The following SPATA16 variants were observed in gnomAD, a reference collection of about 807,000 sequenced individuals.
The protein encoded by SPATA16 is spermatogenesis associated 16, also known as spermatogenesis-associated protein 16.
In SPATA16, 36 loss-of-function variants were observed where a neutral mutation model predicts 63.3. The observed-to-expected ratio is 0.57, with a 90% CI of 0.44 to 0.75. The LOEUF is 0.75. Among genes scored for constraint, SPATA16 ranks in the 30% least tolerant of loss-of-function variants. SPATA16 has a pLI of 0.00. For synonymous variants in SPATA16, 203 were observed against 216.7 expected (o/e 0.94, Z 0.56); for missense variants, 646 against 679.3 (o/e 0.95, Z 0.54).
chr3:173,109,369 A>T (rs1737694038), intron 2 of SPATA16, among the ~76,000 whole-genome samples: 1 of 152,200 alleles, frequency 6.6e-6, no homozygotes, highest in Admixed American at 6.6e-5. Context: ...CATGAGTCAG[A>T]TGAGTCAGAC....
chr3:173,051,813 CTT>C (rs11367724), intron 2 of SPATA16, among the ~76,000 whole-genome samples: 1 of 148,326 alleles, frequency 6.7e-6, no homozygotes. Flanking sequence ...TTTAGGCACA[CTT>C]TTTTTTTTTC....
chr3:173,111,807 T>C (rs911653905), intron 2 of SPATA16, among the ~76,000 whole-genome samples: 1 of 152,086 alleles, frequency 6.6e-6, no homozygotes, highest in Non-Finnish European at 1.5e-5. Context: ...TGGTGTGGGT[T>C]CAATCATGTT....
intron 6 of SPATA16, among the ~76,000 whole-genome samples, chr3:172,948,185 T>G (rs902631333): frequency 6.6e-6 from 1 of 152,052 alleles, no homozygotes; most frequent in Admixed American, 6.6e-5. Context: ...AGGCATTTAA[T>G]AATCAAATTC....
chr3:173,022,379 G>A (rs933557888), intron 3 of SPATA16, among the ~76,000 whole-genome samples: 1 of 152,064 alleles, frequency 6.6e-6, no homozygotes, highest in Non-Finnish European at 1.5e-5. Flanking sequence ...TCTCTACTCT[G>A]AAAGTGTAAT....
At chr3:172,937,871 G>A (rs1244275145) in intron 6 of SPATA16, among the ~76,000 whole-genome samples, 1 of 152,134 alleles carries the variant, frequency 6.6e-6, no homozygotes, top group Non-Finnish European at 1.5e-5. Flanking sequence ...TTGCAGACGG[G>A]TATACATCAT....
chr3:172,955,038 TC>T (rs1733537620), intron 6 of SPATA16, among the ~76,000 whole-genome samples: 1 of 152,212 alleles, frequency 6.6e-6, no homozygotes. Flanking sequence ...AGTGTAAGAT[TC>T]TTTAGCATGA....
At chr3:173,013,044 T>C (rs148447741) in intron 4 of SPATA16, among the ~76,000 whole-genome samples, 89 of 152,130 alleles carry the variant, frequency 5.9e-4, no homozygotes, top group African/African-American at 2.1e-3. Context: ...TATCCAGAAT[T>C]TATAAGGAAC....
chr3:173,008,085 A>C (rs1395684807), intron 4 of SPATA16, among the ~76,000 whole-genome samples: 1 of 152,180 alleles, frequency 6.6e-6, no homozygotes, highest in African/African-American at 2.4e-5. Flanking sequence ...AAAACGAAAG[A>C]CATGGAATGG....
intron 5 of SPATA16, among the ~76,000 whole-genome samples, chr3:172,970,705 C>T (rs1471491233): frequency 1.3e-5 from 2 of 152,116 alleles, no homozygotes; most frequent in African/African-American, 4.8e-5. Context: ...ATATAGGCCA[C>T]TAAGAGAAAT....
Position 172,913,668 on chromosome 3 carries a change from A to G in SPATA16, c.1580T>C (p.Ile527Thr), listed in dbSNP as rs756876783. Reference sequence around the variant, plus strand: ...TTCAGCTCAAAGTTTTACCTTTTGGATCATATTCCACACACGTTCATTATT... The same window carrying G: ...TTCAGCTCAAAGTTTTACCTTTTGGGTCATATTCCACACACGTTCATTATT... Reference protein sequence around the residue: ...RNNNERVWNMIQKVGQIEDFL... With the variant: ...RNNNERVWNMTQKVGQIEDFL... Residue 527 changes from isoleucine (I) to threonine (T), a missense_variant, in exon 10 of 11, where the codon ATC becomes ACC. Coordinates refer to ENST00000351008, the MANE Select transcript of SPATA16 (RefSeq NM_031955.6). 5.0e-6 allele frequency: 8 copies of G among 1,613,582 alleles called. No homozygotes were observed. The highest frequency in any genetic ancestry group is 6.8e-6 in the Non-Finnish European group (8 of 1,179,640).
At chr3:173,056,176 C>T (rs948529749) in intron 2 of SPATA16, among the ~76,000 whole-genome samples, 7 of 152,148 alleles carry the variant, frequency 4.6e-5, no homozygotes, top group Non-Finnish European at 1.0e-4. Context: ...ACATCTTCAT[C>T]ATTATGTCTG....
intron 3 of SPATA16, among the ~76,000 whole-genome samples, chr3:173,044,439 A>G (rs1057374109): frequency 2.6e-5 from 4 of 152,116 alleles, no homozygotes; most frequent in Non-Finnish European, 5.9e-5. Flanking sequence ...CTAAATCTCC[A>G]TTTGGTTCTT....
chr3:172,962,653 C>T (rs1733816504), intron 5 of SPATA16, among the ~76,000 whole-genome samples: 1 of 152,072 alleles, frequency 6.6e-6, no homozygotes, highest in African/African-American at 2.4e-5. Flanking sequence ...CTCATAAAAT[C>T]CATCTGGGCA....
At chr3:173,095,267 G>A (rs1483491563) in intron 2 of SPATA16, among the ~76,000 whole-genome samples, 1 of 152,036 alleles carries the variant, frequency 6.6e-6, no homozygotes, top group African/African-American at 2.4e-5. Context: ...GCTAACTTAA[G>A]TACACAAACA....
chr3:173,100,511 C>CA, intron 2 of SPATA16, among the ~76,000 whole-genome samples: 1 of 152,194 alleles, frequency 6.6e-6, no homozygotes, highest in East Asian at 1.9e-4. Flanking sequence ...CATTAGTTTT[C>CA]ACTTTTCATC....
chr3:173,041,448 G>A (rs1459321525), intron 3 of SPATA16, among the ~76,000 whole-genome samples: 1 of 152,110 alleles, frequency 6.6e-6, no homozygotes, highest in African/African-American at 2.4e-5. Flanking sequence ...TTTCAGAAAT[G>A]AATGGCAGTA....
At chr3:173,101,824 C>T (rs1212896655) in intron 2 of SPATA16, among the ~76,000 whole-genome samples, 1 of 152,156 alleles carries the variant, frequency 6.6e-6, no homozygotes, top group Admixed American at 6.6e-5. Context: ...CCCATATCCT[C>T]CAACATCTGT....
chr3:172,915,291 G>A (rs560913394), intron 9 of SPATA16, among the ~76,000 whole-genome samples: 1 of 152,206 alleles, frequency 6.6e-6, no homozygotes, highest in East Asian at 1.9e-4. Flanking sequence ...ACAACTTCCT[G>A]TGCTTACTCT....
intron 9 of SPATA16, among the ~76,000 whole-genome samples, chr3:172,915,808 C>G (rs185478218): frequency 3.3e-4 from 50 of 152,146 alleles, no homozygotes; most frequent in Non-Finnish European, 6.3e-4. Context: ...CTATGTTTTC[C>G]CTTCAAATAA....
Sources: gnomAD v4.1 joint callset for allele counts (sites outside exome capture counted in the v4.1 genomes callset) on GRCh38, gnomAD v4.1.1 for gene constraint, MANE v1.5 for transcripts, NCBI Gene and HGNC (gene_info 2026-07-23, HGNC 2026-07-21) for gene names.